Variants in HS3ST4 observed in about 807,000 individuals in gnomAD.
HS3ST4 encodes heparan sulfate glucosamine 3-O-sulfotransferase 4.
HS3ST4 carries 17 observed loss-of-function variants against 29.2 expected under a neutral mutation model. The ratio of observed to expected loss-of-function variants is 0.58; its 90% CI spans 0.40 to 0.87. HS3ST4 has a LOEUF of 0.87. HS3ST4 is among the 40% of genes least tolerant of loss of function. HS3ST4 has a pLI of 0.00. For missense variants in HS3ST4, 627 were observed against 634.5 expected (o/e 0.99, Z 0.13); for synonymous variants, 314 against 285.7 (o/e 1.10, Z -1.00).
At chr16:26,126,297 C>G (rs941985104) in intron 1 of HS3ST4, among the ~76,000 whole-genome samples, 2 of 152,170 alleles carry the variant, frequency 1.3e-5, no homozygotes, top group East Asian at 1.9e-4. Flanking sequence ...CTGTGTTAAG[C>G]AATCTCAGAT....
intron 1 of HS3ST4, among the ~76,000 whole-genome samples, chr16:25,850,684 C>A (rs1967511065): frequency 6.6e-6 from 1 of 152,186 alleles, no homozygotes; most frequent in Non-Finnish European, 1.5e-5. Flanking sequence ...TACAGAGACT[C>A]CGGGGTCTCC....
intron 1 of HS3ST4, among the ~76,000 whole-genome samples, chr16:25,706,629 G>A (rs1966378218): frequency 1.3e-5 from 2 of 152,060 alleles, no homozygotes; most frequent in Admixed American, 6.5e-5. Flanking sequence ...GAGAACGTGC[G>A]GTGGCCTAAC....
chr16:25,722,498 A>G (rs1030699973), intron 1 of HS3ST4, among the ~76,000 whole-genome samples: 17 of 152,226 alleles, frequency 1.1e-4, no homozygotes, highest in Admixed American at 9.8e-4. Context: ...TGCTGGCCTT[A>G]CGGGAACTTA....
intron 1 of HS3ST4, among the ~76,000 whole-genome samples, chr16:25,842,007 G>A (rs1439382888): frequency 6.6e-6 from 1 of 152,194 alleles, no homozygotes. Flanking sequence ...GCACTTTGGG[G>A]CTGAGCCCAG....
intron 1 of HS3ST4, among the ~76,000 whole-genome samples, chr16:26,029,596 A>G (rs188447597): frequency 1.9e-4 from 29 of 152,282 alleles, no homozygotes; most frequent in East Asian, 1.5e-3. Context: ...AATTTTTAGT[A>G]GAGATGGGGT....
intron 1 of HS3ST4, chr16:25,886,600 TTGGG>T (rs1277342988): frequency 1.3e-5 from 2 of 152,102 alleles, no homozygotes; most frequent in Non-Finnish European, 2.9e-5. Context: ...ACACATGAGC[TTGGG>T]TGGGGTGAGA....
chr16:26,013,032 G>A (rs781086347), intron 1 of HS3ST4, among the ~76,000 whole-genome samples: 26 of 151,936 alleles, frequency 1.7e-4, no homozygotes, highest in African/African-American at 2.9e-4. Flanking sequence ...GTGTGGTGGC[G>A]CGTGCCTGTA....
chr16:26,061,883 G>T (rs1898480087), intron 1 of HS3ST4, among the ~76,000 whole-genome samples: 1 of 152,178 alleles, frequency 6.6e-6, no homozygotes, highest in South Asian at 2.1e-4. Flanking sequence ...AAAGGGAAAA[G>T]AAGCTTGCTT....
chr16:25,986,396 A>C (rs771100971), intron 1 of HS3ST4, among the ~76,000 whole-genome samples: 24 of 152,198 alleles, frequency 1.6e-4, no homozygotes, highest in Middle Eastern at 6.3e-3. Context: ...AAGACTGAGA[A>C]TCAGGGGAGT....
At chr16:25,820,875 A>AT (rs1967147676) in intron 1 of HS3ST4, among the ~76,000 whole-genome samples, 2 of 151,782 alleles carry the variant, frequency 1.3e-5, no homozygotes, top group East Asian at 1.9e-4. Context: ...CTGGCCTACT[A>AT]TTTTTTTAAA....
intron 1 of HS3ST4, among the ~76,000 whole-genome samples, chr16:25,856,792 A>G (rs895137252): frequency 6.6e-6 from 1 of 152,036 alleles, no homozygotes; most frequent in Non-Finnish European, 1.5e-5. Flanking sequence ...ACCTAATGCT[A>G]CTCTTCCATT....
At chr16:26,116,318 A>G (rs1479939803) in intron 1 of HS3ST4, among the ~76,000 whole-genome samples, 5 of 152,212 alleles carry the variant, frequency 3.3e-5, no homozygotes, top group African/African-American at 1.2e-4. Context: ...GGAAGTTACA[A>G]TTTTGTGTTA....
At chr16:25,726,565 A>T (rs1277051593) in intron 1 of HS3ST4, among the ~76,000 whole-genome samples, 1 of 152,152 alleles carries the variant, frequency 6.6e-6, no homozygotes, top group African/African-American at 2.4e-5. Context: ...TTTGGTACAC[A>T]TTACTAAATT....
Position 25,971,557 on chromosome 16 carries a change from G to A in HS3ST4, c.735-164055G>A, listed in dbSNP as rs147904117. Among the ~76,000 whole-genome samples the A allele has an allele frequency of 1.2e-4, 18 of 152,284 alleles. No individual in the cohort carries two copies. The East Asian group carries it at 3.5e-3, about 29-fold the overall frequency. Reference sequence around the variant, plus strand: ...GCTCAGCAATAGACCCCTTCAGTGAGGGAAGAGAGAAAACTATTCATTCAT... The same window carrying A: ...GCTCAGCAATAGACCCCTTCAGTGAAGGAAGAGAGAAAACTATTCATTCAT... On this transcript the variant is annotated intron_variant, in intron 1 of 1. Transcript: ENST00000331351.
intron 1 of HS3ST4, among the ~76,000 whole-genome samples, chr16:26,125,823 G>A (rs1899335612): frequency 6.6e-6 from 1 of 152,174 alleles, no homozygotes; most frequent in African/African-American, 2.4e-5. Context: ...TTATCTCTCA[G>A]TCATTCTGCT....
intron 1 of HS3ST4, among the ~76,000 whole-genome samples, chr16:25,775,449 C>T (rs1436827079): frequency 6.6e-6 from 1 of 152,216 alleles, no homozygotes; most frequent in Admixed American, 6.5e-5. Context: ...GAGCATCTCA[C>T]CTAACCACTT....
intron 1 of HS3ST4, among the ~76,000 whole-genome samples, chr16:26,100,069 T>C (rs1244569894): frequency 2.6e-5 from 4 of 152,060 alleles, no homozygotes; most frequent in Non-Finnish European, 4.4e-5. Flanking sequence ...AATTCCAGTG[T>C]TAGGTATGAA....
chr16:25,845,824 A>G (rs1022191360), intron 1 of HS3ST4, among the ~76,000 whole-genome samples: 7 of 151,956 alleles, frequency 4.6e-5, no homozygotes, highest in Non-Finnish European at 8.8e-5. Flanking sequence ...CTTTCGAATA[A>G]GTTTATTCTT....
intron 1 of HS3ST4, among the ~76,000 whole-genome samples, chr16:25,722,574 A>G (rs891204781): frequency 2.0e-5 from 3 of 152,216 alleles, no homozygotes; most frequent in Non-Finnish European, 2.9e-5. Flanking sequence ...AAAGGTCACA[A>G]TATTTTAACA....
Sources: allele counts gnomAD v4.1 joint callset (sites outside exome capture counted in the v4.1 genomes callset), GRCh38; gene constraint gnomAD v4.1.1; transcripts MANE v1.5; gene names NCBI Gene and HGNC (gene_info 2026-07-23, HGNC 2026-07-21).